BPIFB3: variants seen among roughly 807,000 people sequenced by gnomAD.
BPIFB3 encodes the protein BPI fold containing family B member 3.
A neutral mutation model predicts 53.1 loss-of-function variants in BPIFB3; 49 were observed. The ratio of observed to expected loss-of-function variants is 0.92; its 90% CI spans 0.73 to 1.17. BPIFB3 has a LOEUF of 1.17. Ranked by LOEUF, BPIFB3 falls within the 50% of genes most tolerant of loss-of-function variation. The probability of loss-of-function intolerance (pLI) is 0.00; values close to 1 mark genes in which losing one functional copy is unlikely to be tolerated. For synonymous variants in BPIFB3, 271 were observed against 269.6 expected, an observed-to-expected ratio of 1.01 and a Z score of -0.05; for missense variants, 628 against 592.5, an observed-to-expected ratio of 1.06 and a Z score of -0.62.
chr20:33,073,706 T>C, downstream of BPIFB3: 3 of 1,410,082 alleles, frequency 2.1e-6, no homozygotes, highest in South Asian at 3.7e-5. Flanking sequence ...TTGGTGACAG[T>C]AAAAATGCCC....
intron 2 of BPIFB3, among the ~76,000 whole-genome samples, chr20:33,058,047 T>G (rs1390414953): frequency 6.6e-6 from 1 of 152,076 alleles, no homozygotes; most frequent in African/African-American, 2.4e-5. Context: ...CTCACCCAGC[T>G]AGGGGAGGAG....
upstream of BPIFB3, among the ~76,000 whole-genome samples, chr20:33,054,735 T>C (rs985349875): frequency 2.0e-5 from 3 of 152,048 alleles, no homozygotes; most frequent in Non-Finnish European, 4.4e-5. Flanking sequence ...TGGGTGGGCA[T>C]AGATGGATAT....
intron 2 of BPIFB3, among the ~76,000 whole-genome samples, chr20:33,059,151 GAATT>G (rs1163388377): frequency 6.6e-6 from 1 of 152,112 alleles, no homozygotes; most frequent in Admixed American, 6.5e-5. Context: ...TTCTGCACTC[GAATT>G]ATCTCACTTG....
rs375629521 is a variant in BPIFB3 at position 33,066,890 on chromosome 20, C to G, written c.978+13C>G. On this transcript the variant is annotated intron_variant, in intron 9 of 14. Transcript: ENST00000375494. ...TTTGCTCCCTGAGGTGAGTGACGCT[C>G]TCATGGGTTTTGATCATTGTAGCTC... 72 of 1,613,332 alleles carry G rather than the reference C, an allele frequency of 4.5e-5. 1 individual carries two copies. The highest frequency in any genetic ancestry group is 4.3e-4 in the South Asian group (39 of 91,068).
chr20:33,064,609 A>G, intron 7 of BPIFB3, 57 bp from the exon 9 acceptor site: 8 of 1,613,024 alleles, frequency 5.0e-6, no homozygotes, highest in Non-Finnish European at 5.9e-6. Flanking sequence ...ATGCCGGATC[A>G]AGGCAGGTGG....
In BPIFB3 at chr20:33,063,610, C is replaced by T. The variant is rs911743493; in HGVS notation, c.592-5C>T. The T allele has an allele frequency of 6.2e-6, 10 of 1,614,020 alleles. No homozygotes were observed. Among genetic ancestry groups the T allele is most frequent in the Admixed American group, 5.0e-5 (3 of 59,976 alleles). Reference sequence around the variant, plus strand: ...TGCCCTGTAACATGTGTCTCCCTGACACAGCTGTGCCCCGTGGTGGACAGT... The same window carrying T: ...TGCCCTGTAACATGTGTCTCCCTGATACAGCTGTGCCCCGTGGTGGACAGT... On this transcript the variant is annotated splice_polypyrimidine_tract_variant and splice_region_variant and intron_variant, in intron 5 of 14. Transcript: ENST00000375494.
At chr20:33,068,815 C>A in exon 10 of BPIFB3, 3 of 1,613,596 alleles carry the variant, frequency 1.9e-6, no homozygotes, top group Non-Finnish European at 2.5e-6. Flanking sequence ...CCTGGGGAAG[C>A]TGCCCCTGCA....
intron 9 of BPIFB3, among the ~76,000 whole-genome samples, chr20:33,067,142 A>G (rs1229658710): frequency 6.6e-6 from 1 of 152,248 alleles, no homozygotes; most frequent in Non-Finnish European, 1.5e-5. Flanking sequence ...CACAAGGACA[A>G]AAGTCTTTTC....
intron 13 of BPIFB3, 146 bp downstream of exon 14, chr20:33,072,313 C>T (rs1980938682): frequency 4.6e-6 from 4 of 871,652 alleles, no homozygotes; most frequent in South Asian, 1.5e-5. Flanking sequence ...AACTGAGGCA[C>T]CAATTTTTCC....
At chr20:33,059,274 G>A in intron 2 of BPIFB3, 104 bp from the exon 4 acceptor site, 1 of 749,872 alleles carries the variant, frequency 1.3e-6, no homozygotes, top group Non-Finnish European at 2.3e-6. Context: ...AGCTGGCTCT[G>A]TGGGTTTGAG....
chr20:33,061,511 A>T (rs761936), intron 4 of BPIFB3, among the ~76,000 whole-genome samples: 57,546 of 151,678 alleles, frequency 0.38, 11,171 homozygotes, highest in Middle Eastern at 0.45. Flanking sequence ...CACCAGCCAC[A>T]TACACACTCC....
chr20:33,066,882 G>C lies in BPIFB3; in HGVS notation c.978+5G>C. On this transcript the variant is annotated splice_donor_5th_base_variant and intron_variant, in intron 9 of 14. Coordinates refer to ENST00000375494, the Ensembl canonical transcript of BPIFB3. ...CTGGCAGCTTTGCTCCCTGAGGTGA[G>C]TGACGCTCTCATGGGTTTTGATCAT... 6.2e-7 allele frequency: 1 copy of C among 1,613,908 alleles called. No homozygotes were observed. Among genetic ancestry groups the C allele is most frequent in the Non-Finnish European group, 8.5e-7 (1 of 1,179,746 alleles).
chr20:33,061,666 G>A (rs1980462856), intron 4 of BPIFB3, 102 bp from the exon 6 acceptor site: 1 of 1,147,724 alleles, frequency 8.7e-7, no homozygotes, highest in Non-Finnish European at 1.3e-6. Context: ...CCCAAGAGAA[G>A]GGAGAGGAGA....
intron 3 of BPIFB3, 36 bp from the exon 5 acceptor site, chr20:33,059,855 G>T: frequency 3.7e-6 from 6 of 1,606,022 alleles, no homozygotes; most frequent in Non-Finnish European, 5.1e-6. Context: ...GTGGGAGCTG[G>T]CTGCCTGGCC....
At chr20:33,069,051 A>T in intron 10 of BPIFB3, 78 bp downstream of exon 11, 1 of 1,484,456 alleles carries the variant, frequency 6.7e-7, no homozygotes. Context: ...CTGTGGAGGT[A>T]CCGTCCCCCT....
rs780409230 is a variant in BPIFB3 at position 33,059,943 on chromosome 20, G to A, written c.439G>A (p.Val147Met). 4 of 1,614,146 alleles carry A rather than the reference G, an allele frequency of 2.5e-6. No homozygotes were observed. The South Asian group carries it at 4.4e-5, about 18-fold the overall frequency. Residue 147 changes from valine to methionine, a missense_variant, in exon 4 of 15, where the codon GTG (valine) becomes ATG (methionine). Coordinates refer to ENST00000375494, the Ensembl canonical transcript of BPIFB3. ...TGCGGAGGTGAACGTGACATCGCGG[G>A]TGGCGCTGGCCGTGAGCTCAAGGGG...
intron 3 of BPIFB3, 120 bp downstream of exon 4, chr20:33,059,602 C>T (rs1349649907): frequency 2.3e-5 from 18 of 780,082 alleles, no homozygotes; most frequent in Non-Finnish European, 3.8e-5. Flanking sequence ...TTCCTTTCAC[C>T]CTATTTCCTC....
intron 11 of BPIFB3, 93 bp downstream of exon 12, chr20:33,070,048 A>T: frequency 7.0e-7 from 1 of 1,427,308 alleles, no homozygotes; most frequent in Non-Finnish European, 9.9e-7. Context: ...CTTGAGCATC[A>T]GCGCAATTCC....
At chr20:33,055,422 G>A, upstream of BPIFB3, 1 of 1,613,210 alleles carries the variant, frequency 6.2e-7, no homozygotes. Context: ...CTCCTTATAG[G>A]CATGCAGCCA....
Sources: allele counts gnomAD v4.1 joint callset (sites outside exome capture counted in the v4.1 genomes callset), GRCh38; gene constraint gnomAD v4.1.1; transcripts MANE v1.5; gene names NCBI Gene and HGNC (gene_info 2026-07-23, HGNC 2026-07-21).